The following HCN1 variants were observed in gnomAD, a reference collection of about 807,000 sequenced individuals.
HCN1 encodes the protein potassium/sodium hyperpolarization-activated cyclic nucleotide-gated channel 1.
Under a neutral mutation model 78.9 loss-of-function variants are expected in HCN1, and 13 were observed. That is an observed-to-expected ratio of 0.16 (90% CI 0.11 to 0.26). The LOEUF (loss-of-function observed/expected upper bound fraction) is 0.26, where lower values mean the gene tolerates loss of function less well. Ranked by LOEUF, HCN1 falls within the 10% of genes least tolerant of loss-of-function variation. The pLI is 1.00. For synonymous variants in HCN1, 552 were observed against 455.5 expected (o/e 1.21, Z -2.70); for missense variants, 810 against 1,154.3 (o/e 0.70, Z 4.32).
At chr5:45,485,108 T>C (rs879289974) in intron 2 of HCN1, among the ~76,000 whole-genome samples, 6 of 152,236 alleles carry the variant, frequency 3.9e-5, no homozygotes, top group Non-Finnish European at 7.3e-5. Context: ...AGCTTCCTTA[T>C]GTTATCACTT....
intron 2 of HCN1, among the ~76,000 whole-genome samples, chr5:45,554,566 C>T (rs567692935): frequency 6.6e-6 from 1 of 151,740 alleles, no homozygotes; most frequent in South Asian, 2.1e-4. Flanking sequence ...TCTGATAGAT[C>T]TGAAAACCTG....
intron 4 of HCN1, among the ~76,000 whole-genome samples, chr5:45,370,566 T>G (rs1343599705): frequency 6.6e-6 from 1 of 152,064 alleles, no homozygotes; most frequent in African/African-American, 2.4e-5. Context: ...ACTAAATGTG[T>G]AAATAATAGA....
chr5:45,654,135 A>T (rs899146433), intron 1 of HCN1, among the ~76,000 whole-genome samples: 1 of 152,208 alleles, frequency 6.6e-6, no homozygotes, highest in South Asian at 2.1e-4. Context: ...GAAGGCCACA[A>T]GTTTCACTTT....
chr5:45,373,582 A>C (rs910406127), intron 4 of HCN1, among the ~76,000 whole-genome samples: 1 of 139,758 alleles, frequency 7.2e-6, no homozygotes, highest in Non-Finnish European at 1.5e-5. Flanking sequence ...TACGTCATCT[A>C]TAATATATTA....
rs1297839220 is a variant in HCN1 at position 45,490,607 on chromosome 5, G to A, written c.850-28600C>T. On this transcript the variant is annotated intron_variant, in intron 2 of 7. Transcript: ENST00000303230. The stretch of plus-strand genomic sequence containing the variant: ...CACACCTACCACTTCTGCTGCTGAC[G>A]TAATCATAAATATTAAAGTGTTTGA... Among the ~76,000 whole-genome samples the A allele has an allele frequency of 3.9e-5, 6 of 151,956 alleles. No individual in the cohort carries two copies. The South Asian group carries it at 1.0e-3, about 26-fold the overall frequency.
chr5:45,497,437 A>G (rs1435685967), intron 2 of HCN1, among the ~76,000 whole-genome samples: 2 of 152,148 alleles, frequency 1.3e-5, no homozygotes, highest in African/African-American at 2.4e-5. Flanking sequence ...TGTTGAATTG[A>G]TCCCTTTACC....
At chr5:45,660,322 A>C (rs1219048977) in intron 1 of HCN1, among the ~76,000 whole-genome samples, 1 of 110,824 alleles carries the variant, frequency 9.0e-6, no homozygotes, top group Non-Finnish European at 1.8e-5. Flanking sequence ...ATGGAAAGGA[A>C]CAACCGGTAC....
intron 3 of HCN1, among the ~76,000 whole-genome samples, chr5:45,432,304 GTTGT>G (rs1296381379): frequency 6.6e-6 from 1 of 152,100 alleles, no homozygotes; most frequent in Non-Finnish European, 1.5e-5. Context: ...CTTTGCTGAA[GTTGT>G]TTATCAGATC....
At chr5:45,324,861 C>T (rs748205203) in intron 5 of HCN1, among the ~76,000 whole-genome samples, 2 of 151,778 alleles carry the variant, frequency 1.3e-5, no homozygotes, top group Non-Finnish European at 2.9e-5. Flanking sequence ...AAATAAGAAT[C>T]AAGGAAAATT....
chr5:45,500,605 T>C (rs920163401), intron 2 of HCN1, among the ~76,000 whole-genome samples: 2 of 152,188 alleles, frequency 1.3e-5, no homozygotes, highest in African/African-American at 4.8e-5. Context: ...AAATAACCCA[T>C]AATATCTGTT....
intron 2 of HCN1, among the ~76,000 whole-genome samples, chr5:45,593,711 T>G (rs1744433324): frequency 6.6e-6 from 1 of 151,738 alleles, no homozygotes; most frequent in Non-Finnish European, 1.5e-5. Flanking sequence ...GTCTTGCTCT[T>G]TTGCCCAGGC....
At chr5:45,670,305 G>GA (rs1408333071) in intron 1 of HCN1, among the ~76,000 whole-genome samples, 1 of 151,626 alleles carries the variant, frequency 6.6e-6, no homozygotes, top group East Asian at 1.9e-4. Flanking sequence ...CTTCAATAAT[G>GA]AAAAAAGTTA....
chr5:45,549,797 A>G (rs1579963372), intron 2 of HCN1, among the ~76,000 whole-genome samples: 1 of 152,162 alleles, frequency 6.6e-6, no homozygotes, highest in African/African-American at 2.4e-5. Context: ...AAACAAATTT[A>G]CAAGAAAAAA....
rs935922532 is a variant in HCN1 at position 45,345,572 on chromosome 5, A to G, written c.1377+7528T>C. On this transcript the variant is annotated intron_variant, in intron 5 of 7. Coordinates refer to ENST00000303230, the MANE Select transcript of HCN1 (RefSeq NM_021072.4). ...CTCTCAACTTCAAAGTTCCACAAAG[A>G]TCTCTATGGCAGGGGCAAAATGCCA... Among the ~76,000 whole-genome samples, 4 of 152,296 alleles carry G rather than the reference A, an allele frequency of 2.6e-5. No individual in the cohort carries two copies. In the East Asian group the frequency reaches 7.7e-4, roughly 29 times the overall value.
chr5:45,581,107 C>T lies in HCN1; in HGVS notation c.849+64078G>A, dbSNP rs549248400. On this transcript the variant is annotated intron_variant, in intron 2 of 7. Transcript: ENST00000303230. The stretch of plus-strand genomic sequence containing the variant: ...TTCTAGTTCTAGATCCTTGAGCAAT[C>T]GCCACACTGACTTCCACAATGGTTG... Among the ~76,000 whole-genome samples the T allele has an allele frequency of 1.7e-3, 260 of 152,292 alleles. 1 individual carries two copies. Among genetic ancestry groups the T allele is most frequent in the African/African-American group, 6.0e-3 (251 of 41,562 alleles).
At chr5:45,675,626 T>C (rs528016170) in intron 1 of HCN1, among the ~76,000 whole-genome samples, 107 of 151,782 alleles carry the variant, frequency 7.0e-4, no homozygotes, top group Non-Finnish European at 1.2e-3. Context: ...CCTGGACCAT[T>C]CCAAAGTATT....
chr5:45,498,096 G>A (rs1292928640), intron 2 of HCN1, among the ~76,000 whole-genome samples: 4 of 152,052 alleles, frequency 2.6e-5, no homozygotes, highest in Non-Finnish European at 5.9e-5. Context: ...GTATCTTTGT[G>A]GCGTTCTCTT....
At chr5:45,639,376 A>G (rs781546169) in intron 2 of HCN1, among the ~76,000 whole-genome samples, 1 of 152,232 alleles carries the variant, frequency 6.6e-6, no homozygotes, top group Non-Finnish European at 1.5e-5. Flanking sequence ...ATTTATAAAT[A>G]TTACAGAAAT....
chr5:45,626,205 T>C (rs574789467), intron 2 of HCN1, among the ~76,000 whole-genome samples: 61 of 152,362 alleles, frequency 4.0e-4, no homozygotes, highest in African/African-American at 1.5e-3. Flanking sequence ...TTATCAATTT[T>C]ATAATTGTGA....
Sources: gnomAD v4.1 joint callset for allele counts (sites outside exome capture counted in the v4.1 genomes callset) on GRCh38, gnomAD v4.1.1 for gene constraint, MANE v1.5 for transcripts, NCBI Gene and HGNC (gene_info 2026-07-23, HGNC 2026-07-21) for gene names.